RALA: variants seen among roughly 807,000 people sequenced by gnomAD.
RALA encodes the protein RAS like proto-oncogene A.
In RALA, 5 loss-of-function variants were observed where a neutral mutation model predicts 24.0. The observed-to-expected ratio is 0.21, with a 90% CI of 0.11 to 0.44. RALA has a LOEUF of 0.44. RALA is among the 20% of genes least tolerant of loss of function. The probability of loss-of-function intolerance (pLI) is 0.99; values close to 1 mark genes in which losing one functional copy is unlikely to be tolerated. For synonymous variants in RALA, 77 were observed against 83.8 expected (o/e 0.92, Z 0.44); for missense variants, 95 against 241.2 (o/e 0.39, Z 4.01).
In RALA at chr7:39,696,872, T is replaced by C; in HGVS notation, c.498+13T>C. On this transcript the variant is annotated intron_variant, in intron 4 of 4. Coordinates refer to ENST00000005257, the MANE Select transcript of RALA (RefSeq NM_005402.4). ...TAATGTTGACAAGGTAACACGTGAC[T>C]CTTTACTACTGCATCATGTTAAAAT... 6.2e-7 allele frequency: 1 copy of C among 1,602,044 alleles called. No individual in the cohort carries two copies. The highest frequency in any genetic ancestry group is 8.5e-7 in the Non-Finnish European group (1 of 1,174,910).
intron 1 of RALA, among the ~76,000 whole-genome samples, chr7:39,685,702 C>G (rs1187741538): frequency 6.6e-6 from 1 of 151,416 alleles, no homozygotes; most frequent in Non-Finnish European, 1.5e-5. Flanking sequence ...GATTGGCCAG[C>G]CATCCCAAGA....
chr7:39,704,157 CTCAAA>C (rs1471041967), intron 4 of RALA, among the ~76,000 whole-genome samples: 5 of 55,680 alleles, frequency 9.0e-5, no homozygotes, highest in African/African-American at 5.7e-4. Context: ...CAGAGACTCT[CTCAAA>C]AAAAAAAAAA....
intron 1 of RALA, among the ~76,000 whole-genome samples, chr7:39,654,563 T>C (rs112947837): frequency 2.9e-4 from 44 of 152,340 alleles, no homozygotes; most frequent in African/African-American, 9.9e-4. Flanking sequence ...GTCCAACTTA[T>C]CAATTTCATA....
chr7:39,652,977 G>A (rs898599786), intron 1 of RALA, among the ~76,000 whole-genome samples: 3 of 151,220 alleles, frequency 2.0e-5, no homozygotes, highest in Non-Finnish European at 4.4e-5. Flanking sequence ...TGTTAGCCAG[G>A]CTTGTCTCAA....
At chr7:39,636,457 A>G (rs1240890021) in intron 1 of RALA, among the ~76,000 whole-genome samples, 3 of 152,080 alleles carry the variant, frequency 2.0e-5, no homozygotes, top group Non-Finnish European at 2.9e-5. Context: ...GAGCTCACCT[A>G]TGTTTATTAA....
intron 1 of RALA, among the ~76,000 whole-genome samples, chr7:39,642,022 G>C (rs1791826359): frequency 6.6e-6 from 1 of 152,140 alleles, no homozygotes; most frequent in Admixed American, 6.6e-5. Context: ...GTCAGAGTTG[G>C]AACAGCCCTT....
chr7:39,651,540 A>G (rs1489466524), intron 1 of RALA, among the ~76,000 whole-genome samples: 1 of 152,088 alleles, frequency 6.6e-6, no homozygotes, highest in Non-Finnish European at 1.5e-5. Context: ...ATTGGAGCCT[A>G]ACCACAAATA....
In RALA at chr7:39,706,691, CATT is replaced by C. The variant is rs973811832; in HGVS notation, c.*452_*454del. 2 of 152,290 alleles carry C rather than the reference CATT, an allele frequency of 1.3e-5. No individual in the cohort carries two copies. The highest frequency in any genetic ancestry group is 2.1e-4 in the South Asian group (1 of 4,820). 9.4% of individuals were successfully genotyped at this position (152,290 alleles called of 1,614,324 possible). A position where few individuals can be genotyped will look rare whatever the true frequency, so the allele number is the denominator to read the frequency against. ...TAGTTAAACTACCACTTTTTTTAAC[CATT>C]ATTATGCAAAATTTAGAAGAAAAGT... On this transcript the variant is annotated 3_prime_UTR_variant, in exon 5 of 5. Coordinates refer to ENST00000005257, the MANE Select transcript of RALA (RefSeq NM_005402.4).
chr7:39,652,357 C>A (rs1792034312), intron 1 of RALA, among the ~76,000 whole-genome samples: 1 of 152,166 alleles, frequency 6.6e-6, no homozygotes, highest in Non-Finnish European at 1.5e-5. Context: ...CACCCCATAT[C>A]AATTCTTACT....
intron 3 of RALA, among the ~76,000 whole-genome samples, chr7:39,691,362 T>C (rs1007575001): frequency 6.6e-6 from 1 of 152,212 alleles, no homozygotes; most frequent in African/African-American, 2.4e-5. Flanking sequence ...TACTTGATTA[T>C]GGAGGACAGA....
intron 1 of RALA, among the ~76,000 whole-genome samples, chr7:39,636,615 C>G (rs912391568): frequency 1.3e-5 from 2 of 152,116 alleles, no homozygotes; most frequent in Admixed American, 6.5e-5. Flanking sequence ...TTTGATTCAT[C>G]AACAAAATTT....
chr7:39,650,074 A>T (rs1791994825), intron 1 of RALA, among the ~76,000 whole-genome samples: 1 of 152,194 alleles, frequency 6.6e-6, no homozygotes, highest in African/African-American at 2.4e-5. Flanking sequence ...TTTATTTTTA[A>T]GATAGAAAAA....
In RALA at chr7:39,648,999, G is replaced by A. The variant is rs569041642; in HGVS notation, c.-38+25174G>A. On this transcript the variant is annotated intron_variant, in intron 1 of 4. Coordinates refer to ENST00000005257, the MANE Select transcript of RALA (RefSeq NM_005402.4). ...CGCTTGAGCCCAGGAGATCAAGGCT[G>A]TGCTGAGCTGTGATCATGCCGTTGC... 1.0e-3 allele frequency among the ~76,000 whole-genome samples: 159 copies of A among 152,308 alleles called. 1 individual carries two copies. The highest frequency in any genetic ancestry group is 3.7e-3 in the African/African-American group (153 of 41,572).
At chr7:39,631,830 T>G (rs569329662) in intron 1 of RALA, among the ~76,000 whole-genome samples, 2 of 152,324 alleles carry the variant, frequency 1.3e-5, no homozygotes, top group South Asian at 4.1e-4. Flanking sequence ...TGCATTGCTA[T>G]GAAAGTATAC....
At chr7:39,639,903 A>G (rs1325224625) in intron 1 of RALA, among the ~76,000 whole-genome samples, 1 of 152,082 alleles carries the variant, frequency 6.6e-6, no homozygotes, top group Non-Finnish European at 1.5e-5. Context: ...CATCTTTGCA[A>G]TATGGGTTTT....
chr7:39,661,547 TCCA>T (rs1792191137), intron 1 of RALA, among the ~76,000 whole-genome samples: 1 of 152,200 alleles, frequency 6.6e-6, no homozygotes, highest in African/African-American at 2.4e-5. Context: ...AAGTCCAAAA[TCCA>T]GCAGGGTGGT....
intron 1 of RALA, among the ~76,000 whole-genome samples, chr7:39,635,020 G>T (rs903372102): frequency 6.6e-6 from 1 of 151,874 alleles, no homozygotes; most frequent in African/African-American, 2.4e-5. Context: ...AGATTTATTG[G>T]GATATAATTC....
At chr7:39,667,050 C>T (rs1190095233) in intron 1 of RALA, among the ~76,000 whole-genome samples, 2 of 152,162 alleles carry the variant, frequency 1.3e-5, no homozygotes, top group Non-Finnish European at 2.9e-5. Context: ...GCCTCACTCC[C>T]ACTCTTTTTG....
At chr7:39,698,039 A>T (rs1792954284) in intron 4 of RALA, among the ~76,000 whole-genome samples, 1 of 152,040 alleles carries the variant, frequency 6.6e-6, no homozygotes, top group Non-Finnish European at 1.5e-5. Flanking sequence ...GAGGCTGGCG[A>T]GTCCAAGATC....
Sources: gnomAD v4.1 joint callset for allele counts (sites outside exome capture counted in the v4.1 genomes callset) on GRCh38, gnomAD v4.1.1 for gene constraint, MANE v1.5 for transcripts, NCBI Gene and HGNC (gene_info 2026-07-23, HGNC 2026-07-21) for gene names.